CFAP44: variants seen among roughly 807,000 people sequenced by gnomAD.
CFAP44 encodes cilia and flagella associated protein 44.
CFAP44 carries 134 observed loss-of-function variants against 216.2 expected under a neutral mutation model. The ratio of observed to expected loss-of-function variants is 0.62; its 90% CI spans 0.54 to 0.72. The LOEUF (loss-of-function observed/expected upper bound fraction) is 0.72, where lower values mean the gene tolerates loss of function less well. Among genes scored for constraint, CFAP44 ranks in the 30% least tolerant of loss-of-function variants. The pLI is 0.00. For missense variants in CFAP44, 2,035 were observed against 2,182.1 expected, an observed-to-expected ratio of 0.93 and a Z score of 1.34; for synonymous variants, 700 against 727.6, an observed-to-expected ratio of 0.96 and a Z score of 0.61.
intron 15 of CFAP44, 113 bp from the exon 16 acceptor site, chr3:113,381,173 CACTT>C: frequency 1.5e-6 from 1 of 663,342 alleles, no homozygotes; most frequent in Admixed American, 4.0e-5. Context: ...GTTTAAAACA[CACTT>C]AATTCCTCAC....
chr3:113,327,722 T>A lies in CFAP44; in HGVS notation c.4214A>T (p.His1405Leu). ...DTQMKLSDLHHVTLFQEILLL... is the reference protein window; with the variant it reads ...DTQMKLSDLHLVTLFQEILLL... ...AAGTATTTCTTGAAATAAGGTGACATGGTGCAGGTCAGATAATTTCATCTG... is the reference window on the plus strand; with the variant it reads ...AAGTATTTCTTGAAATAAGGTGACAAGGTGCAGGTCAGATAATTTCATCTG... Residue 1405 changes from histidine (H) to leucine (L), a missense_variant, in exon 27 of 35, where the codon CAT becomes CTT. By Grantham distance (99) the His-to-Leu change is moderately conservative (BLOSUM62 -3). Transcript: ENST00000393845. The A allele has an allele frequency of 6.5e-7, 1 of 1,537,032 alleles. No homozygotes were observed. The highest frequency in any genetic ancestry group is 1.2e-5 in the South Asian group (1 of 84,062).
Position 113,304,043 on chromosome 3 carries a change from T to A in CFAP44, c.4950A>T (p.Arg1650Ser). ...GTLVFSNHAL[R>S]RLQERIHELQ... ...GCTCATGGATTCGTTCTTGCAGCCG[T>A]CTCAAGGCATGGTTAGAGAAGACCA... Residue 1650 changes from arginine (R) to serine (S), a missense_variant, in exon 32 of 35, where the codon AGA becomes AGT. This residue lies in a region of CFAP44 where 1,883 missense variants were observed against 2,023.7 expected (regional missense o/e 0.93). Transcript: ENST00000393845. 6.5e-7 allele frequency: 1 copy of A among 1,537,300 alleles called. No individual in the cohort carries two copies. The highest frequency in any genetic ancestry group is 8.7e-7 in the Non-Finnish European group (1 of 1,146,910).
chr3:113,325,135 C>T (rs1950177800), intron 28 of CFAP44, among the ~76,000 whole-genome samples: 1 of 151,744 alleles, frequency 6.6e-6, no homozygotes, highest in Non-Finnish European at 1.5e-5. Context: ...AACCCTGTCT[C>T]TACTAAAAAT....
In CFAP44 at chr3:113,373,449, C is replaced by T. The variant is rs138091336; in HGVS notation, c.2406G>A (p.Ala802=). ...TTTGGATGGGATTGTCCTCTGTATCCGCAAGATAACGGACATCAATAGGTT... is the reference window on the plus strand; with the variant it reads ...TTTGGATGGGATTGTCCTCTGTATCTGCAAGATAACGGACATCAATAGGTT... The part of the protein sequence containing the change: ...KDEPIDVRYL[A]DTEDNPIQTI... The change falls in exon 18 of 35, where the codon GCG becomes GCA. Residue 802 remains alanine, a synonymous_variant. Transcript: ENST00000393845. 229 of 1,604,092 alleles carry T rather than the reference C, an allele frequency of 1.4e-4. No individual in the cohort carries two copies. The highest frequency in any genetic ancestry group is 1.8e-4 in the Non-Finnish European group (209 of 1,174,776).
intron 26 of CFAP44, 136 bp from the exon 27 acceptor site, chr3:113,327,955 G>A: frequency 2.7e-6 from 2 of 728,386 alleles, no homozygotes; most frequent in Non-Finnish European, 2.2e-6. Context: ...TGTGTGTATA[G>A]TCACAAAAAT....
At chr3:113,366,809 A>G (rs1023832661) in intron 18 of CFAP44, among the ~76,000 whole-genome samples, 1 of 152,224 alleles carries the variant, frequency 6.6e-6, no homozygotes, top group Admixed American at 6.5e-5. Context: ...TTTCCTAGCC[A>G]AGGGAAACTG....
chr3:113,359,578 C>G (rs1026009629), intron 21 of CFAP44, among the ~76,000 whole-genome samples: 1 of 152,104 alleles, frequency 6.6e-6, no homozygotes. Flanking sequence ...AGAAAAATAG[C>G]ATAAAGGTCT....
intron 15 of CFAP44, among the ~76,000 whole-genome samples, chr3:113,395,310 G>A (rs1933959509): frequency 6.6e-6 from 1 of 152,202 alleles, no homozygotes; most frequent in Non-Finnish European, 1.5e-5. Flanking sequence ...GGATAGAAGA[G>A]AAAATAGATG....
chr3:113,388,490 A>T (rs1933710009), intron 15 of CFAP44, among the ~76,000 whole-genome samples: 1 of 152,242 alleles, frequency 6.6e-6, no homozygotes, highest in African/African-American at 2.4e-5. Context: ...AGAGAAGACC[A>T]CAAATCAACC....
At chr3:113,343,115 G>A (rs1950350240) in intron 23 of CFAP44, among the ~76,000 whole-genome samples, 1 of 127,954 alleles carries the variant, frequency 7.8e-6, no homozygotes, top group African/African-American at 3.0e-5. Context: ...AGGCTAGAGT[G>A]CAATGATGCA....
At chr3:113,387,847 T>C (rs1449743320) in intron 15 of CFAP44, among the ~76,000 whole-genome samples, 2 of 152,020 alleles carry the variant, frequency 1.3e-5, no homozygotes, top group East Asian at 3.9e-4. Context: ...ACTGCCAGCA[T>C]TCGCCACAAG....
At chr3:113,425,380 T>G (rs2107402003) in intron 4 of CFAP44, among the ~76,000 whole-genome samples, 2 of 152,316 alleles carry the variant, frequency 1.3e-5, no homozygotes, top group Middle Eastern at 6.8e-3. Context: ...AAAACTGTTT[T>G]CTAACTACCC....
At position 113,289,668 on chromosome 3, in the gene CFAP44, C is replaced by T. The variant is rs1442337790; in HGVS notation, c.*1889G>A. The T allele has an allele frequency of 6.6e-6, 1 of 152,250 alleles. No homozygotes were observed. The highest frequency in any genetic ancestry group is 1.5e-5 in the Non-Finnish European group (1 of 68,062). The allele number at this position is 152,250 out of a possible 1,614,324, so 9.4% of individuals were successfully genotyped here. The stretch of plus-strand genomic sequence containing the variant: ...CATTCACACCCTGTTCAGTCCCCTC[C>T]CACATCACACAGGGTCAGCCTGTGA... On this transcript the variant is annotated 3_prime_UTR_variant, in exon 35 of 35. Transcript: ENST00000393845.
chr3:113,397,611 T>C (rs1934023547), intron 13 of CFAP44, among the ~76,000 whole-genome samples: 1 of 152,220 alleles, frequency 6.6e-6, no homozygotes, highest in Non-Finnish European at 1.5e-5. Context: ...AGATGGCTTC[T>C]ACACTTCAGG....
At chr3:113,305,883 C>T (rs1949980696) in intron 30 of CFAP44, among the ~76,000 whole-genome samples, 1 of 152,014 alleles carries the variant, frequency 6.6e-6, no homozygotes, top group Non-Finnish European at 1.5e-5. Context: ...TCCTATTGTA[C>T]AAGATACATA....
chr3:113,425,958 C>A, intron 4 of CFAP44, 166 bp downstream of exon 4: 1 of 763,934 alleles, frequency 1.3e-6, no homozygotes, highest in Non-Finnish European at 2.1e-6. Flanking sequence ...TGATGGCAGC[C>A]ATAATAAACA....
chr3:113,368,817 C>A (rs1933047677), intron 18 of CFAP44, among the ~76,000 whole-genome samples: 1 of 152,130 alleles, frequency 6.6e-6, no homozygotes, highest in South Asian at 2.1e-4. Context: ...AAAGTCATGA[C>A]CCATCAGTGT....
intron 17 of CFAP44, among the ~76,000 whole-genome samples, chr3:113,373,874 A>G (rs535694889): frequency 1.3e-4 from 20 of 152,340 alleles, no homozygotes; most frequent in Non-Finnish European, 2.9e-4. Flanking sequence ...CTGAATAAGC[A>G]GGAACAAATA....
At chr3:113,408,667 C>A (rs1422050082) in intron 7 of CFAP44, among the ~76,000 whole-genome samples, 1 of 152,010 alleles carries the variant, frequency 6.6e-6, no homozygotes, top group Non-Finnish European at 1.5e-5. Context: ...GAGTTCGAGA[C>A]CAGCCTGACC....
Sources: allele counts gnomAD v4.1 joint callset (sites outside exome capture counted in the v4.1 genomes callset), GRCh38; gene constraint gnomAD v4.1.1; regional missense constraint gnomAD v4.1.1; transcripts MANE v1.5; gene names NCBI Gene and HGNC (gene_info 2026-07-23, HGNC 2026-07-21).